The following DIP2C variants were observed in gnomAD, a reference collection of about 807,000 sequenced individuals.
DIP2C encodes disco-interacting protein 2 homolog C.
Under a neutral mutation model 192.4 loss-of-function variants are expected in DIP2C, and 33 were observed. The observed-to-expected ratio is 0.17, with a 90% CI of 0.13 to 0.23. The LOEUF is 0.23. DIP2C is among the 10% of genes least tolerant of loss of function. DIP2C has a pLI of 1.00. For synonymous variants in DIP2C, 979 were observed against 864.1 expected (o/e 1.13, Z -2.33); for missense variants, 1,537 against 2,110.1 (o/e 0.73, Z 5.32).
intron 1 of DIP2C, among the ~76,000 whole-genome samples, chr10:626,720 G>A (rs1025231785): frequency 9.2e-5 from 14 of 152,160 alleles, no homozygotes; most frequent in Admixed American, 7.9e-4. Context: ...GCCCAGGAAG[G>A]ATGGAACACC....
intron 4 of DIP2C, among the ~76,000 whole-genome samples, chr10:423,668 C>T (rs2133172360): frequency 6.6e-6 from 1 of 151,998 alleles, no homozygotes; most frequent in South Asian, 2.1e-4. Flanking sequence ...ACCGATGCAC[C>T]TGATTTGTGC....
chr10:460,156 C>A (rs758283130), intron 3 of DIP2C, among the ~76,000 whole-genome samples: 11 of 152,204 alleles, frequency 7.2e-5, no homozygotes, highest in Non-Finnish European at 1.3e-4. Context: ...TGCACATGAG[C>A]TCTAGGATCT....
At chr10:384,436 C>A in intron 15 of DIP2C, 110 bp downstream of exon 15, 2 of 1,109,192 alleles carry the variant, frequency 1.8e-6, no homozygotes, top group Non-Finnish European at 2.6e-6. Context: ...CGGGGTTTCT[C>A]CATATTGGCC....
intron 1 of DIP2C, among the ~76,000 whole-genome samples, chr10:568,323 T>C (rs1013357609): frequency 6.6e-6 from 1 of 152,180 alleles, no homozygotes; most frequent in African/African-American, 2.4e-5. Flanking sequence ...TACCGACTCA[T>C]GCGTGAAATC....
rs1378654742 is a variant in DIP2C, at chr10:274,292, T to G, written c.*3033A>C. On this transcript the variant is annotated 3_prime_UTR_variant, in exon 37 of 37. Coordinates refer to ENST00000280886, the MANE Select transcript of DIP2C (RefSeq NM_014974.3). ...CATAGGAATTATTTTTAGCAATAAA[T>G]GCCCACATCAAAATTTAAACATTTT... 6.6e-6 allele frequency: 1 copy of G among 152,174 alleles called. No homozygotes were observed. The highest frequency in any genetic ancestry group is 2.4e-5 in the African/African-American group (1 of 41,458). The allele number at this position is 152,174 out of a possible 1,614,324, so 9.4% of individuals were successfully genotyped here. A position where few individuals can be genotyped will look rare whatever the true frequency, so the allele number is the denominator to read the frequency against.
At chr10:286,382 A>AGGAATACAGGGAG in intron 33 of DIP2C, 35 bp from the exon 34 acceptor site, 1 of 1,586,712 alleles carries the variant, frequency 6.3e-7, no homozygotes, top group Non-Finnish European at 8.7e-7. Flanking sequence ...TGTCAATGGG[A>AGGAATACAGGGAG]GGAATACAGG....
At chr10:290,668 G>C (rs1191542525) in intron 32 of DIP2C, among the ~76,000 whole-genome samples, 1 of 152,204 alleles carries the variant, frequency 6.6e-6, no homozygotes, top group Non-Finnish European at 1.5e-5. Flanking sequence ...AAGCTGGCCG[G>C]GGCAGCGGTG....
At chr10:635,944 G>A (rs1854808936) in intron 1 of DIP2C, among the ~76,000 whole-genome samples, 1 of 152,202 alleles carries the variant, frequency 6.6e-6, no homozygotes, top group Non-Finnish European at 1.5e-5. Flanking sequence ...TCGAGATAGA[G>A]TCACTCAAAC....
chr10:463,530 T>C (rs972796598), intron 3 of DIP2C, among the ~76,000 whole-genome samples: 8 of 152,334 alleles, frequency 5.3e-5, no homozygotes, highest in East Asian at 1.9e-4. Context: ...TCCATGCTCA[T>C]GGATAGGAAG....
chr10:670,232 G>A (rs60707328), intron 1 of DIP2C, among the ~76,000 whole-genome samples: 1 of 142,648 alleles, frequency 7.0e-6, no homozygotes, highest in East Asian at 2.0e-4. Flanking sequence ...ACGCATGCAT[G>A]CACACGCATA....
In DIP2C at chr10:548,610, TG is replaced by T. The variant is rs373808501; in HGVS notation, c.86-62081del. Among the ~76,000 whole-genome samples, 29 of 55,172 alleles carry T rather than the reference TG, an allele frequency of 5.3e-4. No homozygotes were observed. The East Asian group carries it at 0.012, about 23-fold the overall frequency. 36.2% of individuals were successfully genotyped at this position (55,172 alleles called of 152,430 possible). A position where few individuals can be genotyped will look rare whatever the true frequency, so the allele number is the denominator to read the frequency against. On this transcript the variant is annotated intron_variant, in intron 1 of 36. Transcript: ENST00000280886. ...GCCAGAGGTGACGTGGCAAGGGTTATGGGGGTGACATGGTGTGGTGGGGGGA... is the reference window on the plus strand; with the variant it reads ...GCCAGAGGTGACGTGGCAAGGGTTATGGGGTGACATGGTGTGGTGGGGGGA...
At chr10:422,488 TC>T (rs1211602486) in intron 5 of DIP2C, among the ~76,000 whole-genome samples, 14 of 152,126 alleles carry the variant, frequency 9.2e-5, no homozygotes, top group African/African-American at 2.7e-4. Context: ...CTTAAATGAC[TC>T]CCACGGTCAG....
In DIP2C at chr10:408,912, T is replaced by C. The variant is rs759658118; in HGVS notation, c.1149+14A>G. On this transcript the variant is annotated intron_variant, in intron 9 of 36. Transcript: ENST00000280886. ...CTTGTGTTTTGTAGATCCAGCAGTT[T>C]AAGTTGCACTTACCCTATCTCCAGG... 2 of 1,613,466 alleles carry C rather than the reference T, an allele frequency of 1.2e-6. No individual in the cohort carries two copies. Among genetic ancestry groups the C allele is most frequent in the Non-Finnish European group, 1.7e-6 (2 of 1,179,730 alleles).
At chr10:640,251 G>GCCCCGCCCACGGCCA (rs1855097521) in intron 1 of DIP2C, among the ~76,000 whole-genome samples, 1 of 152,188 alleles carries the variant, frequency 6.6e-6, no homozygotes, top group Non-Finnish European at 1.5e-5. Flanking sequence ...AGGCACGGCC[G>GCCCCGCCCACGGCCA]CCCCGCCCAC....
Position 440,878 on chromosome 10 carries a change from G to A in DIP2C, c.387C>T (p.Thr129=), listed in dbSNP as rs1038344215. The change falls in exon 4 of 37, where the codon ACC becomes ACT. Residue 129 remains threonine (T), a synonymous_variant. Coordinates refer to ENST00000280886, the MANE Select transcript of DIP2C (RefSeq NM_014974.3). ...GGGGAGCGTGTCCCTTACCTGGAGGGGTGTAGGCGTCCATCGAGGTCTGCA... is the reference window on the plus strand; with the variant it reads ...GGGGAGCGTGTCCCTTACCTGGAGGAGTGTAGGCGTCCATCGAGGTCTGCA... ...LVVQTSMDAY[T]PPDTSSGSED... The A allele has an allele frequency of 3.7e-6, 6 of 1,612,308 alleles. No individual in the cohort carries two copies. The highest frequency in any genetic ancestry group is 1.3e-5 in the African/African-American group (1 of 74,954).
chr10:619,861 T>G (rs562361424), intron 1 of DIP2C, among the ~76,000 whole-genome samples: 3 of 152,146 alleles, frequency 2.0e-5, no homozygotes, highest in Non-Finnish European at 4.4e-5. Flanking sequence ...CGTGGATGGG[T>G]TCCCTGTACT....
intron 1 of DIP2C, among the ~76,000 whole-genome samples, chr10:575,632 C>G (rs1356948450): frequency 6.6e-6 from 1 of 152,194 alleles, no homozygotes; most frequent in African/African-American, 2.4e-5. Flanking sequence ...ACAAGCCTTC[C>G]AGACATGACA....
At chr10:494,156 G>GA (rs1378725818) in intron 1 of DIP2C, among the ~76,000 whole-genome samples, 1 of 152,214 alleles carries the variant, frequency 6.6e-6, no homozygotes, top group Non-Finnish European at 1.5e-5. Context: ...TTCTTCATCA[G>GA]AAAGTGCTTT....
intron 2 of DIP2C, among the ~76,000 whole-genome samples, chr10:481,743 G>A (rs1401203314): frequency 1.3e-5 from 2 of 152,216 alleles, no homozygotes; most frequent in South Asian, 2.1e-4. Flanking sequence ...TGCGGACACG[G>A]TGGCGTCTGC....
Sources: gnomAD v4.1 joint callset for allele counts (sites outside exome capture counted in the v4.1 genomes callset) on GRCh38, gnomAD v4.1.1 for gene constraint, MANE v1.5 for transcripts, NCBI Gene and HGNC (gene_info 2026-07-23, HGNC 2026-07-21) for gene names.